THSD7B: variants seen among roughly 807,000 people sequenced by gnomAD.
THSD7B encodes thrombospondin type-1 domain-containing protein 7B.
A neutral mutation model predicts 213.6 loss-of-function variants in THSD7B; 138 were observed. That is an observed-to-expected ratio of 0.65 (90% confidence interval 0.56 to 0.74). The LOEUF is 0.74. Among genes scored for constraint, THSD7B ranks in the 30% least tolerant of loss-of-function variants. THSD7B has a pLI of 0.00. For missense variants in THSD7B, 1,931 were observed against 1,991.5 expected (o/e 0.97, Z 0.58); for synonymous variants, 742 against 687.0 (o/e 1.08, Z -1.25).
chr2:137,316,773 A>G (rs1174089254), intron 12 of THSD7B, among the ~76,000 whole-genome samples: 2 of 151,342 alleles, frequency 1.3e-5, no homozygotes, highest in African/African-American at 4.9e-5. Context: ...AAAAAAAGAA[A>G]AAGAAAAAAA....
intron 12 of THSD7B, among the ~76,000 whole-genome samples, chr2:137,303,715 TTTA>T (rs1683667751): frequency 7.1e-6 from 1 of 140,548 alleles, no homozygotes; most frequent in South Asian, 2.2e-4. Flanking sequence ...TATATATATA[TTTA>T]TATATATATT....
chr2:137,008,173 T>G (rs910199913), intron 2 of THSD7B, among the ~76,000 whole-genome samples: 1 of 152,156 alleles, frequency 6.6e-6, no homozygotes, highest in Non-Finnish European at 1.5e-5. Flanking sequence ...AATTTCCATT[T>G]GCAACAGAAA....
chr2:137,215,058 A>T (rs1375875489), intron 7 of THSD7B, among the ~76,000 whole-genome samples: 2 of 152,170 alleles, frequency 1.3e-5, no homozygotes, highest in African/African-American at 4.8e-5. Flanking sequence ...AACAGTGTAA[A>T]AGCATTCCTA....
intron 20 of THSD7B, among the ~76,000 whole-genome samples, chr2:137,641,997 G>A (rs1225113916): frequency 1.3e-5 from 2 of 152,102 alleles, no homozygotes; most frequent in East Asian, 1.9e-4. Context: ...ACTTGCTCAT[G>A]TTTATTATGC....
intron 17 of THSD7B, among the ~76,000 whole-genome samples, chr2:137,583,444 T>A (rs1222224864): frequency 6.6e-6 from 1 of 152,164 alleles, no homozygotes; most frequent in Non-Finnish European, 1.5e-5. Context: ...ATTGCCTAGG[T>A]TTTCTTCTAG....
chr2:136,837,990 A>G (rs1682869685), intron 1 of THSD7B, among the ~76,000 whole-genome samples: 1 of 152,160 alleles, frequency 6.6e-6, no homozygotes, highest in South Asian at 2.1e-4. Context: ...TTTTTGGACA[A>G]TTTGCTTCAT....
intron 15 of THSD7B, among the ~76,000 whole-genome samples, chr2:137,490,912 A>G (rs1431512230): frequency 6.6e-6 from 1 of 152,258 alleles, no homozygotes; most frequent in East Asian, 1.9e-4. Flanking sequence ...GGATTATCCA[A>G]ATAACCAGAT....
rs532703932 is a variant in THSD7B, at chr2:136,999,036, G to T, written c.140-57384G>T. ...GTTTCACCTCCTTGTTGAAGTCTTA[G>T]CCAATCACTCCCATCTCTTCCTTCC... On this transcript the variant is annotated intron_variant, in intron 2 of 27. Transcript: ENST00000409968. Among the ~76,000 whole-genome samples, 28 of 151,702 alleles carry T rather than the reference G, an allele frequency of 1.8e-4. No individual in the cohort carries two copies. The South Asian group carries it at 2.5e-3, about 14-fold the overall frequency.
At chr2:137,035,323 A>G (rs1686755682) in intron 2 of THSD7B, among the ~76,000 whole-genome samples, 1 of 152,164 alleles carries the variant, frequency 6.6e-6, no homozygotes, top group Admixed American at 6.5e-5. Flanking sequence ...AGTAATTCTC[A>G]ATAATTTCTG....
At chr2:137,531,821 T>C (rs927317397) in intron 15 of THSD7B, among the ~76,000 whole-genome samples, 3 of 151,946 alleles carry the variant, frequency 2.0e-5, no homozygotes, top group African/African-American at 7.2e-5. Context: ...TAAGCAGTGT[T>C]TTAAGGTCTT....
intron 17 of THSD7B, among the ~76,000 whole-genome samples, chr2:137,587,601 C>T (rs1248893416): frequency 3.3e-5 from 5 of 152,226 alleles, no homozygotes; most frequent in Admixed American, 1.3e-4. Context: ...TGGAGGTCCA[C>T]TCCAAACCCT....
intron 21 of THSD7B, among the ~76,000 whole-genome samples, chr2:137,650,318 CA>C (rs1378922486): frequency 1.3e-5 from 2 of 151,996 alleles, no homozygotes; most frequent in Non-Finnish European, 2.9e-5. Flanking sequence ...AATTGATTTG[CA>C]GGTGTTTTAT....
At chr2:136,909,538 A>G (rs780513613) in intron 2 of THSD7B, among the ~76,000 whole-genome samples, 17 of 152,316 alleles carry the variant, frequency 1.1e-4, no homozygotes, top group Admixed American at 2.6e-4. Flanking sequence ...AGCTCAATAA[A>G]TGCGTAGTGA....
chr2:136,825,263 G>T (rs981572698), intron 1 of THSD7B, among the ~76,000 whole-genome samples: 10 of 152,104 alleles, frequency 6.6e-5, no homozygotes, highest in African/African-American at 2.4e-4. Context: ...GTAATTTAAT[G>T]GTAATTAAAA....
chr2:137,163,012 A>G (rs1302562049), intron 6 of THSD7B, among the ~76,000 whole-genome samples: 1 of 152,010 alleles, frequency 6.6e-6, no homozygotes, highest in East Asian at 1.9e-4. Flanking sequence ...TTGTCACTTG[A>G]GCTCCAATTT....
At chr2:137,459,468 C>T (rs1460425949) in intron 15 of THSD7B, among the ~76,000 whole-genome samples, 2 of 152,004 alleles carry the variant, frequency 1.3e-5, no homozygotes, top group Non-Finnish European at 2.9e-5. Flanking sequence ...GAGTTCGAGA[C>T]CAGCCTGGCC....
chr2:137,271,412 A>AT, intron 10 of THSD7B, among the ~76,000 whole-genome samples: 1 of 140,370 alleles, frequency 7.1e-6, no homozygotes. Context: ...TATATGAATT[A>AT]TAATATATAA....
chr2:137,267,107 A>G (rs1486854414), intron 10 of THSD7B, among the ~76,000 whole-genome samples: 3 of 152,178 alleles, frequency 2.0e-5, no homozygotes, highest in African/African-American at 7.2e-5. Context: ...TTTGTAGCCC[A>G]TTCGTGTGCT....
At chr2:137,023,921 G>GTTTT (rs34578587) in intron 2 of THSD7B, among the ~76,000 whole-genome samples, 3 of 147,512 alleles carry the variant, frequency 2.0e-5, no homozygotes, top group African/African-American at 7.4e-5. Flanking sequence ...CGTCCTTCTA[G>GTTTT]TTTTTTTTTT....
Sources: gnomAD v4.1 joint callset for allele counts (sites outside exome capture counted in the v4.1 genomes callset) on GRCh38, gnomAD v4.1.1 for gene constraint, MANE v1.5 for transcripts, NCBI Gene and HGNC (gene_info 2026-07-23, HGNC 2026-07-21) for gene names.